The following GALNTL6 variants were observed in gnomAD, a reference collection of about 807,000 sequenced individuals.
GALNTL6 encodes the protein polypeptide N-acetylgalactosaminyltransferase like 6.
GALNTL6 carries 46 observed loss-of-function variants against 73.7 expected under a neutral mutation model. That is an observed-to-expected ratio of 0.62 (90% CI 0.49 to 0.80). The LOEUF (loss-of-function observed/expected upper bound fraction) is 0.80. Ranked by LOEUF, GALNTL6 falls within the 30% of genes least tolerant of loss-of-function variation. The pLI is 0.00. For synonymous variants in GALNTL6, 259 were observed against 263.7 expected, an observed-to-expected ratio of 0.98 and a Z score of 0.17; for missense variants, 604 against 755.0, an observed-to-expected ratio of 0.80 and a Z score of 2.34.
intron 8 of GALNTL6, among the ~76,000 whole-genome samples, chr4:172,921,239 T>C (rs2111292425): frequency 6.6e-6 from 1 of 152,340 alleles, no homozygotes; most frequent in South Asian, 2.1e-4. Flanking sequence ...AAATACTTTT[T>C]TGAGAATTTG....
intron 2 of GALNTL6, among the ~76,000 whole-genome samples, chr4:171,963,336 C>G (rs1231043676): frequency 1.3e-5 from 2 of 151,962 alleles, no homozygotes; most frequent in East Asian, 3.9e-4. Context: ...GTTTACATAT[C>G]CATATATTTA....
chr4:172,101,012 C>T (rs984958896), intron 2 of GALNTL6, among the ~76,000 whole-genome samples: 7 of 152,080 alleles, frequency 4.6e-5, no homozygotes, highest in Non-Finnish European at 1.0e-4. Flanking sequence ...TAATTCAGCA[C>T]CTCAGTAAAA....
intron 5 of GALNTL6, among the ~76,000 whole-genome samples, chr4:172,803,656 T>C (rs1402778756): frequency 3.9e-5 from 6 of 152,260 alleles, no homozygotes; most frequent in Admixed American, 1.3e-4. Flanking sequence ...AATGGTTTGA[T>C]CCATTAATTC....
At chr4:172,076,228 A>G (rs28440067) in intron 2 of GALNTL6, among the ~76,000 whole-genome samples, 1 of 152,132 alleles carries the variant, frequency 6.6e-6, no homozygotes, top group Non-Finnish European at 1.5e-5. Flanking sequence ...TTAAACATAG[A>G]TAGCTAATGC....
intron 4 of GALNTL6, among the ~76,000 whole-genome samples, chr4:172,335,456 T>C (rs1294589737): frequency 6.6e-6 from 1 of 152,176 alleles, no homozygotes; most frequent in Non-Finnish European, 1.5e-5. Context: ...CTAGCTCGCT[T>C]TGTAGAATGA....
chr4:172,740,484 C>A (rs918364321), intron 5 of GALNTL6, among the ~76,000 whole-genome samples: 1 of 152,108 alleles, frequency 6.6e-6, no homozygotes, highest in South Asian at 2.1e-4. Flanking sequence ...TTATTGGTAA[C>A]CCCCAAATCA....
At chr4:172,377,489 G>T (rs1219331609) in intron 5 of GALNTL6, among the ~76,000 whole-genome samples, 2 of 152,204 alleles carry the variant, frequency 1.3e-5, no homozygotes, top group Non-Finnish European at 2.9e-5. Context: ...CAGATCCCGT[G>T]CTGGGGCCAT....
At chr4:172,242,167 A>C (rs184395333) in intron 3 of GALNTL6, among the ~76,000 whole-genome samples, 1 of 152,274 alleles carries the variant, frequency 6.6e-6, no homozygotes, top group Non-Finnish European at 1.5e-5. Context: ...ATGGAACTAT[A>C]GATCTAACAA....
intron 5 of GALNTL6, among the ~76,000 whole-genome samples, chr4:172,685,842 T>C (rs192172870): frequency 6.6e-6 from 1 of 152,278 alleles, no homozygotes; most frequent in East Asian, 1.9e-4. Flanking sequence ...GGCATCATAT[T>C]TTTCTCCATC....
chr4:172,415,266 TAG>T (rs1039836453), intron 5 of GALNTL6, among the ~76,000 whole-genome samples: 1 of 152,226 alleles, frequency 6.6e-6, no homozygotes, highest in Non-Finnish European at 1.5e-5. Flanking sequence ...GAAATTTTAT[TAG>T]AGTCTTTATC....
At chr4:172,883,971 CT>C (rs1745588009) in intron 8 of GALNTL6, among the ~76,000 whole-genome samples, 1 of 152,004 alleles carries the variant, frequency 6.6e-6, no homozygotes, top group Non-Finnish European at 1.5e-5. Flanking sequence ...TATTTCATTC[CT>C]TTTTATGACT....
chr4:172,029,921 G>A (rs1741713936), intron 2 of GALNTL6, among the ~76,000 whole-genome samples: 2 of 151,966 alleles, frequency 1.3e-5, no homozygotes, highest in Admixed American at 1.3e-4. Flanking sequence ...AATTTACATT[G>A]GTAAATTTAA....
At chr4:172,350,429 T>A (rs75823652) in intron 5 of GALNTL6, among the ~76,000 whole-genome samples, 2,506 of 152,290 alleles carry the variant, frequency 0.016, 62 homozygotes, top group African/African-American at 0.057. Context: ...TTTGGTGGAC[T>A]ATGTTTCTGT....
intron 5 of GALNTL6, among the ~76,000 whole-genome samples, chr4:172,587,449 G>T (rs549418278): frequency 6.6e-6 from 1 of 152,234 alleles, no homozygotes; most frequent in African/African-American, 2.4e-5. Context: ...GTCACCCCTT[G>T]TCGTATCACA....
intron 5 of GALNTL6, among the ~76,000 whole-genome samples, chr4:172,441,235 T>C (rs1731827068): frequency 6.6e-6 from 1 of 152,138 alleles, no homozygotes; most frequent in African/African-American, 2.4e-5. Flanking sequence ...AAATATACAC[T>C]CATTGATATC....
At chr4:171,967,550 T>C (rs2111058217) in intron 2 of GALNTL6, among the ~76,000 whole-genome samples, 1 of 152,048 alleles carries the variant, frequency 6.6e-6, no homozygotes, top group South Asian at 2.1e-4. Flanking sequence ...TGTTCTTTAA[T>C]TATCAGCTGG....
intron 2 of GALNTL6, among the ~76,000 whole-genome samples, chr4:171,951,724 G>A (rs779975672): frequency 5.3e-5 from 8 of 151,400 alleles, no homozygotes; most frequent in Admixed American, 1.3e-4. Context: ...AGAAATCTGC[G>A]GAAAAAATTG....
chr4:172,466,658 T>G (rs1157372794), intron 5 of GALNTL6, among the ~76,000 whole-genome samples: 1 of 152,192 alleles, frequency 6.6e-6, no homozygotes, highest in Non-Finnish European at 1.5e-5. Context: ...GTTGGTACAT[T>G]TGAAGAAAAA....
At chr4:171,875,845 C>A (rs1268078115) in intron 2 of GALNTL6, among the ~76,000 whole-genome samples, 1 of 150,902 alleles carries the variant, frequency 6.6e-6, no homozygotes, top group Non-Finnish European at 1.5e-5. Flanking sequence ...TTATTTCCTG[C>A]TCATGGCTAA....
Sources: gnomAD v4.1 joint callset for allele counts (sites outside exome capture counted in the v4.1 genomes callset) on GRCh38, gnomAD v4.1.1 for gene constraint, MANE v1.5 for transcripts, NCBI Gene and HGNC (gene_info 2026-07-23, HGNC 2026-07-21) for gene names.